The following CCSER1 variants were observed in gnomAD, a reference collection of about 807,000 sequenced individuals.
CCSER1 encodes the protein serine-rich coiled-coil domain-containing protein 1.
A neutral mutation model predicts 82.0 loss-of-function variants in CCSER1; 41 were observed. That is an observed-to-expected ratio of 0.50 (90% CI 0.39 to 0.65). The LOEUF is 0.65. Among genes scored for constraint, CCSER1 ranks in the 30% least tolerant of loss-of-function variants. The pLI is 0.00. For missense variants in CCSER1, 1,119 were observed against 1,064.2 expected, an observed-to-expected ratio of 1.05 and a Z score of -0.72; for synonymous variants, 414 against 383.9, an observed-to-expected ratio of 1.08 and a Z score of -0.92.
At chr4:91,084,120 A>G (rs1044260728) in intron 9 of CCSER1, among the ~76,000 whole-genome samples, 5 of 152,056 alleles carry the variant, frequency 3.3e-5, no homozygotes, top group African/African-American at 9.7e-5. Flanking sequence ...TTTAGTGGAG[A>G]CAGGGTTTCC....
intron 1 of CCSER1, among the ~76,000 whole-genome samples, chr4:90,158,722 C>T (rs989668538): frequency 1.3e-5 from 2 of 152,186 alleles, no homozygotes; most frequent in African/African-American, 4.8e-5. Context: ...TTTTTTAAGC[C>T]TGTCAGAAAA....
intron 8 of CCSER1, among the ~76,000 whole-genome samples, chr4:90,859,556 A>C (rs1237839365): frequency 6.6e-6 from 1 of 151,820 alleles, no homozygotes; most frequent in Non-Finnish European, 1.5e-5. Context: ...AGAATTAAAA[A>C]ATAATTGAAT....
At chr4:91,357,143 C>T (rs2149306946) in intron 10 of CCSER1, among the ~76,000 whole-genome samples, 1 of 152,238 alleles carries the variant, frequency 6.6e-6, no homozygotes, top group Non-Finnish European at 1.5e-5. Flanking sequence ...TGAATGTTTC[C>T]TTTAGCACCT....
intron 5 of CCSER1, among the ~76,000 whole-genome samples, chr4:90,538,819 T>G (rs1422322710): frequency 6.6e-6 from 1 of 152,138 alleles, no homozygotes; most frequent in Non-Finnish European, 1.5e-5. Flanking sequence ...TTAATTATAA[T>G]GAGAAATATA....
intron 10 of CCSER1, among the ~76,000 whole-genome samples, chr4:91,383,315 A>T (rs1751056598): frequency 1.3e-5 from 2 of 152,100 alleles, no homozygotes. Flanking sequence ...TTCATTCTTC[A>T]AGCTTTCCTA....
chr4:91,481,689 A>C (rs1275808010), intron 10 of CCSER1, among the ~76,000 whole-genome samples: 1 of 152,192 alleles, frequency 6.6e-6, no homozygotes, highest in Non-Finnish European at 1.5e-5. Flanking sequence ...CCATTGCTAC[A>C]ATCAGCCACA....
intron 9 of CCSER1, among the ~76,000 whole-genome samples, chr4:90,989,214 A>G (rs1187502986): frequency 6.6e-6 from 1 of 151,788 alleles, no homozygotes; most frequent in Non-Finnish European, 1.5e-5. Context: ...ACAGAGAAGA[A>G]TCATGGAGCC....
At chr4:90,497,471 A>G (rs1295249165) in intron 5 of CCSER1, among the ~76,000 whole-genome samples, 1 of 152,182 alleles carries the variant, frequency 6.6e-6, no homozygotes, top group Admixed American at 6.5e-5. Context: ...CCTCCTCATA[A>G]CTAAGAATAA....
chr4:91,098,310 A>G (rs1724710502), intron 10 of CCSER1, among the ~76,000 whole-genome samples: 1 of 152,220 alleles, frequency 6.6e-6, no homozygotes, highest in African/African-American at 2.4e-5. Flanking sequence ...AATTCTCTCC[A>G]AAAGAGAAAA....
chr4:90,372,758 T>C (rs931354554), intron 3 of CCSER1, among the ~76,000 whole-genome samples: 7 of 149,862 alleles, frequency 4.7e-5, no homozygotes, highest in African/African-American at 1.7e-4. Flanking sequence ...TGAAAAAACG[T>C]ATAAAAAAAA....
chr4:90,450,780 C>T (rs1259042301), intron 4 of CCSER1, among the ~76,000 whole-genome samples: 4 of 152,140 alleles, frequency 2.6e-5, no homozygotes, highest in Non-Finnish European at 5.9e-5. Context: ...AGTGCTAAGT[C>T]CCCTGGGTTG....
rs1723691405 is a variant in CCSER1, at chr4:90,628,251, A to G, written c.1932+19A>G. On this transcript the variant is annotated intron_variant, in intron 6 of 10. Transcript: ENST00000509176. ...TCAAGAGGTAATGGTTTCCTCTAAG[A>G]TTAATGTCCTTCAGTGCTGGTAGAC... The G allele has an allele frequency of 1.3e-6, 2 of 1,590,632 alleles. No homozygotes were observed. Among genetic ancestry groups the G allele is most frequent in the Non-Finnish European group, 1.7e-6 (2 of 1,159,794 alleles).
At position 90,577,497 on chromosome 4, in the gene CCSER1, T is replaced by A. The variant is rs147825741; in HGVS notation, c.1725-50528T>A. ...GTGGATTTCTCCTTCAATAAGTTGT[T>A]ACTCCCTAATTTTGTATGTCTATCT... On this transcript the variant is annotated intron_variant, in intron 5 of 10. Coordinates refer to ENST00000509176, the MANE Select transcript of CCSER1 (RefSeq NM_001145065.2). Among the ~76,000 whole-genome samples, 578 of 152,256 alleles carry A rather than the reference T, an allele frequency of 3.8e-3. 4 individuals carry two copies. Among genetic ancestry groups the A allele is most frequent in the African/African-American group, 0.013 (550 of 41,544 alleles).
intron 3 of CCSER1, among the ~76,000 whole-genome samples, chr4:90,382,505 T>G (rs568434612): frequency 1.3e-5 from 2 of 152,234 alleles, no homozygotes; most frequent in East Asian, 3.9e-4. Flanking sequence ...GCTGAAATGT[T>G]TGTCCTTCTT....
chr4:90,530,866 A>G (rs146666305), intron 5 of CCSER1, among the ~76,000 whole-genome samples: 9 of 152,190 alleles, frequency 5.9e-5, no homozygotes, highest in African/African-American at 1.9e-4. Flanking sequence ...GGAATTTTCT[A>G]TTCTCTTGCA....
intron 10 of CCSER1, among the ~76,000 whole-genome samples, chr4:91,149,489 C>A (rs1392843250): frequency 5.3e-5 from 8 of 152,144 alleles, no homozygotes; most frequent in Non-Finnish European, 1.2e-4. Context: ...ATAATTAGAT[C>A]CCATTTGTCA....
intron 4 of CCSER1, among the ~76,000 whole-genome samples, chr4:90,461,422 G>A (rs754589604): frequency 6.6e-6 from 1 of 152,046 alleles, no homozygotes; most frequent in Non-Finnish European, 1.5e-5. Context: ...TTAATGATCG[G>A]TATCAATTCC....
intron 4 of CCSER1, among the ~76,000 whole-genome samples, chr4:90,446,946 C>T (rs1045712208): frequency 3.3e-5 from 5 of 152,162 alleles, no homozygotes; most frequent in Admixed American, 3.3e-4. Context: ...TTTCTTTTCT[C>T]TAGCTTACTA....
chr4:90,447,631 AACTAAAAC>A (rs957051845), intron 4 of CCSER1, among the ~76,000 whole-genome samples: 1 of 152,202 alleles, frequency 6.6e-6, no homozygotes, highest in Non-Finnish European at 1.5e-5. Flanking sequence ...GCAGATTAAA[AACTAAAAC>A]TTGCATTGTA....
Sources: gnomAD v4.1 joint callset for allele counts (sites outside exome capture counted in the v4.1 genomes callset) on GRCh38, gnomAD v4.1.1 for gene constraint, MANE v1.5 for transcripts, NCBI Gene and HGNC (gene_info 2026-07-23, HGNC 2026-07-21) for gene names.